WDR27: variants seen among roughly 807,000 people sequenced by gnomAD.
The protein encoded by WDR27 is WD repeat domain 27.
Under a neutral mutation model 114.4 loss-of-function variants are expected in WDR27, and 100 were observed. The observed-to-expected ratio is 0.87, with a 90% CI of 0.74 to 1.03. The LOEUF (loss-of-function observed/expected upper bound fraction) is 1.03. Among genes scored for constraint, WDR27 ranks in the 50% least tolerant of loss-of-function variants. WDR27 has a pLI of 0.00. For missense variants in WDR27, 1,129 were observed against 1,092.9 expected (o/e 1.03, Z -0.47); for synonymous variants, 449 against 423.1 (o/e 1.06, Z -0.75).
At chr6:169,464,572 A>T (rs1176368948) in intron 25 of WDR27, among the ~76,000 whole-genome samples, 1 of 152,242 alleles carries the variant, frequency 6.6e-6, no homozygotes, top group African/African-American at 2.4e-5. Flanking sequence ...GGTACTATTA[A>T]AAGAGTGAAA....
At chr6:169,645,836 C>G (rs1820599407) in intron 16 of WDR27, among the ~76,000 whole-genome samples, 1 of 144,048 alleles carries the variant, frequency 6.9e-6, no homozygotes, top group African/African-American at 2.8e-5. Context: ...GTAGAAAAGC[C>G]TAGTTCACAG....
rs3029697 is a variant in WDR27 at position 169,586,847 on chromosome 6, CAAAAAAAAA to C, written c.2425-3922_2425-3914del. The stretch of plus-strand genomic sequence containing the variant: ...CTGGCGACACAGCTAGACTCTGTCT[CAAAAAAAAA>C]AAAAAAAAAAAAAAAAAAGGCAGTC... On this transcript the variant is annotated intron_variant, in intron 23 of 25. Coordinates refer to ENST00000448612, the MANE Select transcript of WDR27 (RefSeq NM_182552.5). 1.0e-3 allele frequency among the ~76,000 whole-genome samples: 32 copies of C among 32,056 alleles called. 1 individual carries two copies. The highest frequency in any genetic ancestry group is 6.4e-3 in the South Asian group (3 of 468). 21.0% of individuals were successfully genotyped at this position (32,056 alleles called of 152,430 possible). A position where few individuals can be genotyped will look rare whatever the true frequency, so the allele number is the denominator to read the frequency against.
rs1795283229 is a variant in WDR27, at chr6:169,529,168, A to C, written c.2645+43251T>G. On this transcript the variant is annotated intron_variant, in intron 25 of 25. Coordinates refer to ENST00000448612, the MANE Select transcript of WDR27 (RefSeq NM_182552.5). ...AACCATCATAACTAAGGAGGTGAAA[A>C]ATCAGGCTAAAAAACAGTATTTGCA... Among the ~76,000 whole-genome samples, 2 of 152,124 alleles carry C rather than the reference A, an allele frequency of 1.3e-5. 1 individual carries two copies. Among genetic ancestry groups the C allele is most frequent in the South Asian group, 4.2e-4 (2 of 4,816 alleles).
At chr6:169,661,921 C>A (rs923888314) in intron 9 of WDR27, among the ~76,000 whole-genome samples, 6 of 152,180 alleles carry the variant, frequency 3.9e-5, no homozygotes, top group Non-Finnish European at 8.8e-5. Flanking sequence ...CTACTGAGCA[C>A]AGAAATAAAT....
chr6:169,683,222 A>G (rs1781987375), intron 2 of WDR27, among the ~76,000 whole-genome samples: 1 of 152,222 alleles, frequency 6.6e-6, no homozygotes, highest in Admixed American at 6.5e-5. Flanking sequence ...TACCAATAAG[A>G]TTCAACCCAA....
At chr6:169,629,377 T>G (rs1815720962) in intron 21 of WDR27, among the ~76,000 whole-genome samples, 1 of 152,128 alleles carries the variant, frequency 6.6e-6, no homozygotes, top group Non-Finnish European at 1.5e-5. Context: ...TAGACCAAGT[T>G]TTATGGCTCT....
At chr6:169,428,607 G>GA in the WDR27 span, among the ~76,000 whole-genome samples, 1 of 143,550 alleles carries the variant, frequency 7.0e-6, no homozygotes, top group African/African-American at 2.5e-5. Context: ...TGGCGGGGGG[G>GA]AGGGGGGGGT....
In WDR27 at chr6:169,483,833, C is replaced by G. The variant is rs111729278; in HGVS notation, c.2646-26199G>C. ...CATCCAAAAGCTAATCCACCACAAT[C>G]TAGTAGGCTTCATCCCCAGATGCAA... On this transcript the variant is annotated intron_variant, in intron 25 of 25. Transcript: ENST00000448612. 7.5e-3 allele frequency among the ~76,000 whole-genome samples: 1,148 copies of G among 152,060 alleles called. 20 individuals are homozygous for G. The highest frequency in any genetic ancestry group is 0.027 in the African/African-American group (1,100 of 41,468).
intron 25 of WDR27, among the ~76,000 whole-genome samples, chr6:169,465,248 A>G (rs1785407402): frequency 7.0e-6 from 1 of 142,344 alleles, no homozygotes; most frequent in African/African-American, 2.7e-5. Context: ...ACAAGAGCAA[A>G]ACTCCATCTC....
At chr6:169,663,835 G>A in intron 8 of WDR27, 1 of 315,174 alleles carries the variant, frequency 3.2e-6, no homozygotes. Flanking sequence ...GAGTCATGCA[G>A]TGTACCTTTC....
At chr6:169,674,700 C>T (rs1779628147) in intron 2 of WDR27, among the ~76,000 whole-genome samples, 1 of 152,088 alleles carries the variant, frequency 6.6e-6, no homozygotes, top group African/African-American at 2.4e-5. Flanking sequence ...AAACCATAAA[C>T]CCGTAGAACC....
At chr6:169,623,930 G>A (rs1314032069) in intron 21 of WDR27, among the ~76,000 whole-genome samples, 1 of 152,120 alleles carries the variant, frequency 6.6e-6, no homozygotes, top group African/African-American at 2.4e-5. Flanking sequence ...GCAAAAAGAA[G>A]GTAGACACAA....
the WDR27 span, among the ~76,000 whole-genome samples, chr6:169,439,620 CTT>C: frequency 6.6e-6 from 1 of 151,088 alleles, no homozygotes; most frequent in South Asian, 2.1e-4. Flanking sequence ...ATTTTTATGA[CTT>C]TTATTTGAAA....
the WDR27 span, among the ~76,000 whole-genome samples, chr6:169,441,930 T>C: frequency 9.7e-6 from 1 of 103,596 alleles, no homozygotes; most frequent in Non-Finnish European, 1.8e-5. Context: ...AAAATGTTTT[T>C]AAAAAAGAGG....
At chr6:169,427,485 C>T in the WDR27 span, among the ~76,000 whole-genome samples, 2 of 152,150 alleles carry the variant, frequency 1.3e-5, no homozygotes, top group African/African-American at 4.8e-5. Flanking sequence ...TACCTTTAAG[C>T]AAAGGCTTGT....
chr6:169,662,367 G>A lies in WDR27; in HGVS notation c.962C>T (p.Thr321Ile). The change falls in exon 9 of 26, where the codon ACA (threonine) becomes ATA (isoleucine). Residue 321 changes from threonine (T) to isoleucine (I), a missense_variant. Coordinates refer to ENST00000448612, the MANE Select transcript of WDR27 (RefSeq NM_182552.5). The part of the protein sequence containing the change: ...ALGKGEQVEV[T>I]FPVLRLAPCD... ...GGGTGCAAGTCTCAGTACAGGAAAT[G>A]TTACTTCAACCTGCTCTCCTTTTCC... 2 of 1,614,070 alleles carry A rather than the reference G, an allele frequency of 1.2e-6. No homozygotes were observed. The highest frequency in any genetic ancestry group is 2.7e-5 in the African/African-American group (2 of 75,072).
intron 25 of WDR27, among the ~76,000 whole-genome samples, chr6:169,546,891 T>G (rs1797517794): frequency 1.3e-5 from 2 of 152,130 alleles, no homozygotes; most frequent in Non-Finnish European, 2.9e-5. Context: ...AGTTTTTACT[T>G]ACAATCGAGC....
At chr6:169,467,489 C>A (rs1021773934) in intron 25 of WDR27, among the ~76,000 whole-genome samples, 6 of 152,258 alleles carry the variant, frequency 3.9e-5, no homozygotes, top group African/African-American at 1.4e-4. Flanking sequence ...AACCTCAATT[C>A]TTGACTTCTG....
rs1436673912 is a variant in WDR27, at chr6:169,505,061, T to C, written c.2646-47427A>G. Among the ~76,000 whole-genome samples the C allele has an allele frequency of 4.6e-5, 7 of 152,342 alleles. No homozygotes were observed. In the East Asian group the frequency reaches 1.3e-3, roughly 29 times the overall value. ...AAGAAAGACAATATTATTACTTGGC[T>C]ACAATTATATCTGTGAATTAATAAG... On this transcript the variant is annotated intron_variant, in intron 25 of 25. Coordinates refer to ENST00000448612, the MANE Select transcript of WDR27 (RefSeq NM_182552.5).
Sources: gnomAD v4.1 joint callset for allele counts (sites outside exome capture counted in the v4.1 genomes callset) on GRCh38, gnomAD v4.1.1 for gene constraint, MANE v1.5 for transcripts, NCBI Gene and HGNC (gene_info 2026-07-23, HGNC 2026-07-21) for gene names.